The following CDH4 variants were observed in gnomAD, a reference collection of about 807,000 sequenced individuals.
CDH4 encodes cadherin-4.
In CDH4, 33 loss-of-function variants were observed where a neutral mutation model predicts 86.0. The ratio of observed to expected loss-of-function variants is 0.38; its 90% CI spans 0.29 to 0.51. The LOEUF is 0.51. Among genes scored for constraint, CDH4 ranks in the 20% least tolerant of loss-of-function variants. The pLI, the probability that CDH4 is intolerant of heterozygous loss-of-function variation, is 0.86. For missense variants in CDH4, 1,114 were observed against 1,307.4 expected, an observed-to-expected ratio of 0.85 and a Z score of 2.28; for synonymous variants, 555 against 549.4, an observed-to-expected ratio of 1.01 and a Z score of -0.14.
intron 2 of CDH4, among the ~76,000 whole-genome samples, chr20:61,358,992 T>C (rs1338143095): frequency 1.3e-5 from 2 of 152,042 alleles, no homozygotes; most frequent in Admixed American, 1.3e-4. Flanking sequence ...GCCACAGCAT[T>C]CACGTCCTTA....
At chr20:61,390,696 G>T (rs1053856041) in intron 2 of CDH4, among the ~76,000 whole-genome samples, 104 of 151,812 alleles carry the variant, frequency 6.9e-4, no homozygotes, top group African/African-American at 2.4e-3. Context: ...GTCATAGGGT[G>T]CCCATAGCAC....
At position 61,932,863 on chromosome 20, in the gene CDH4, TG is replaced by T. The variant is rs2055130440; in HGVS notation, c.2240-119del. 21 of 1,318,790 alleles carry T rather than the reference TG, an allele frequency of 1.6e-5. No homozygotes were observed. In the South Asian group the frequency reaches 2.8e-4, roughly 18 times the overall value. The allele number at this position is 1,318,790 out of a possible 1,614,324, so 81.7% of individuals were successfully genotyped here. ...TGCAGTACAGGTGTGCATGCACACATGGGCACAGTCATGCTTGTGTGCCACC... is the reference window on the plus strand; with the variant it reads ...TGCAGTACAGGTGTGCATGCACACATGGCACAGTCATGCTTGTGTGCCACC... On this transcript the variant is annotated intron_variant, in intron 13 of 15. Transcript: ENST00000614565.
chr20:61,422,600 G>T (rs190241431), intron 2 of CDH4, among the ~76,000 whole-genome samples: 1 of 152,164 alleles, frequency 6.6e-6, no homozygotes, highest in African/African-American at 2.4e-5. Flanking sequence ...TCTCTCCGTG[G>T]TGTACATGAG....
chr20:61,492,181 TTGG>T (rs746968191), intron 2 of CDH4, among the ~76,000 whole-genome samples: 1 of 150,686 alleles, frequency 6.6e-6, no homozygotes, highest in South Asian at 2.1e-4. Context: ...ATTGTTGATA[TTGG>T]TGGTGTTGAT....
At chr20:61,710,106 C>G (rs1187863226) in intron 2 of CDH4, among the ~76,000 whole-genome samples, 1 of 152,138 alleles carries the variant, frequency 6.6e-6, no homozygotes, top group Admixed American at 6.5e-5. Context: ...GAACCGAGAA[C>G]CTCAAAGCCC....
At chr20:61,295,990 G>A (rs75190948) in intron 2 of CDH4, among the ~76,000 whole-genome samples, 2,519 of 152,256 alleles carry the variant, frequency 0.017, 72 homozygotes, top group African/African-American at 0.056. Flanking sequence ...GTCTACCCCC[G>A]CTGCAGGAGG....
chr20:61,714,021 T>TTTTTATTTTATTTTATTTATTTTA (rs2087922546), intron 2 of CDH4, among the ~76,000 whole-genome samples: 3 of 135,894 alleles, frequency 2.2e-5, no homozygotes, highest in African/African-American at 8.9e-5. Flanking sequence ...GTCTATTCTT[T>TTTTTATTTTATTTTATTTATTTTA]TTTTATTTTA....
chr20:61,743,305 A>T (rs2088366587), intron 2 of CDH4, among the ~76,000 whole-genome samples: 1 of 152,226 alleles, frequency 6.6e-6, no homozygotes, highest in Non-Finnish European at 1.5e-5. Flanking sequence ...GCGTTTGCAG[A>T]AGGGAGTGCA....
At chr20:61,286,685 G>A (rs2427028) in intron 2 of CDH4, among the ~76,000 whole-genome samples, 19,670 of 152,282 alleles carry the variant, frequency 0.13, 1,373 homozygotes, top group Middle Eastern at 0.21. Context: ...ATAAAACAAT[G>A]AGAAGAGTTG....
At chr20:61,452,259 T>A (rs1015579409) in intron 2 of CDH4, among the ~76,000 whole-genome samples, 1 of 152,172 alleles carries the variant, frequency 6.6e-6, no homozygotes, top group Non-Finnish European at 1.5e-5. Context: ...TAATCTCGTG[T>A]CAGAAAATTA....
rs970244474 is a variant in CDH4, at chr20:61,252,743, G to A, written c.57+173G>A. Among the ~76,000 whole-genome samples the A allele has an allele frequency of 6.6e-6, 1 of 151,554 alleles. No homozygotes were observed. The highest frequency in any genetic ancestry group is 1.5e-5 in the Non-Finnish European group (1 of 67,800). On this transcript the variant is annotated intron_variant, in intron 1 of 15. Transcript: ENST00000614565. This position sits in a 1 kb window ranked among gnomAD's most constrained non-coding sequence, Gnocchi z 4.4. ...TCGGCGAAGCTGCCTGCGGTCGGCAGGAGCGGGAAGCCGCCTGGGCAGCGG... is the reference window on the plus strand; with the variant it reads ...TCGGCGAAGCTGCCTGCGGTCGGCAAGAGCGGGAAGCCGCCTGGGCAGCGG...
chr20:61,508,464 G>A (rs2085757483), intron 2 of CDH4, among the ~76,000 whole-genome samples: 2 of 151,696 alleles, frequency 1.3e-5, no homozygotes. Flanking sequence ...TGAGAAGCTG[G>A]TGACTGTGGC....
chr20:61,666,303 T>C (rs997447864), intron 2 of CDH4, among the ~76,000 whole-genome samples: 2 of 152,178 alleles, frequency 1.3e-5, no homozygotes, highest in African/African-American at 4.8e-5. Flanking sequence ...GAGTCGGCCC[T>C]GTAGACGAAC....
chr20:61,844,893 G>T lies in CDH4; in HGVS notation c.732+70G>T. 1.3e-6 allele frequency: 2 copies of T among 1,501,756 alleles called. 1 individual carries two copies. The highest frequency in any genetic ancestry group is 2.6e-5 in the South Asian group (2 of 78,148). The allele number at this position is 1,501,756 out of a possible 1,614,324, so 93.0% of individuals were successfully genotyped here. A position where few individuals can be genotyped will look rare whatever the true frequency, so the allele number is the denominator to read the frequency against. On this transcript the variant is annotated intron_variant, in intron 5 of 15. Coordinates refer to ENST00000614565, the MANE Select transcript of CDH4 (RefSeq NM_001794.5). The stretch of plus-strand genomic sequence containing the variant: ...TCCCAGCCCTACCAGGCCTTGGCAG[G>T]TGCCCCCAGCAGGGCCATGCCTGCC...
intron 2 of CDH4, among the ~76,000 whole-genome samples, chr20:61,343,793 T>A (rs889146259): frequency 6.6e-6 from 1 of 152,184 alleles, no homozygotes; most frequent in African/African-American, 2.4e-5. Context: ...ATTAGCATGA[T>A]TTTAGGCTCG....
chr20:61,778,246 G>A (rs1349293445), intron 4 of CDH4, among the ~76,000 whole-genome samples: 1 of 152,218 alleles, frequency 6.6e-6, no homozygotes, highest in Non-Finnish European at 1.5e-5. Context: ...AGAGACGGTG[G>A]TGAATGCAGC....
chr20:61,784,623 A>G (rs183006307), intron 4 of CDH4, among the ~76,000 whole-genome samples: 1 of 68,842 alleles, frequency 1.5e-5, no homozygotes, highest in East Asian at 5.1e-4. Flanking sequence ...CTGTGCCCCC[A>G]GGAGAATGTA....
intron 7 of CDH4, 75 bp downstream of exon 7, chr20:61,873,975 AGCCTCTCCAGTGG>A: frequency 6.6e-7 from 1 of 1,519,478 alleles, no homozygotes; most frequent in South Asian, 1.2e-5. Flanking sequence ...ACCCTCGGGG[AGCCTCTCCAGTGG>A]CGCCGTCGGG....
chr20:61,417,585 G>T lies in CDH4; in HGVS notation c.169+162648G>T, dbSNP rs2085153824. 6.6e-6 allele frequency among the ~76,000 whole-genome samples: 1 copy of T among 152,238 alleles called. No homozygotes were observed. Among genetic ancestry groups the T allele is most frequent in the African/African-American group, 2.4e-5 (1 of 41,460 alleles). On this transcript the variant is annotated intron_variant, in intron 2 of 15. Transcript: ENST00000614565. This position sits in a 1 kb window ranked among gnomAD's most constrained non-coding sequence, Gnocchi z 4.0. ...TCATCCCTCCCTGGCCCTGTTTCTG[G>T]CTGGAATGCATTTCTGTATCGCTAT...
Sources: gnomAD v4.1 joint callset for allele counts (sites outside exome capture counted in the v4.1 genomes callset) on GRCh38, gnomAD v4.1.1 for gene constraint, Gnocchi (gnomAD v3.1) non-coding constraint, MANE v1.5 for transcripts, NCBI Gene and HGNC (gene_info 2026-07-23, HGNC 2026-07-21) for gene names.